The following TDP1 variants were observed in gnomAD, a reference collection of about 807,000 sequenced individuals.
TDP1 encodes tyr-DNA phosphodiesterase 1.
A neutral mutation model predicts 81.5 loss-of-function variants in TDP1; 64 were observed. That is an observed-to-expected ratio of 0.79 (90% confidence interval 0.64 to 0.97). The LOEUF (loss-of-function observed/expected upper bound fraction) is 0.97. TDP1 is among the 50% of genes least tolerant of loss of function. The pLI is 0.00. For missense variants in TDP1, 723 were observed against 743.8 expected (o/e 0.97, Z 0.33); for synonymous variants, 256 against 264.3 (o/e 0.97, Z 0.30).
intron 15 of TDP1, among the ~76,000 whole-genome samples, chr14:90,025,421 G>A (rs775535263): frequency 3.3e-5 from 5 of 152,014 alleles, no homozygotes; most frequent in Admixed American, 6.6e-5. Flanking sequence ...GAATAAATCT[G>A]GAAATACATC....
chr14:90,008,606 T>A (rs1048259907), intron 14 of TDP1, among the ~76,000 whole-genome samples: 4 of 152,266 alleles, frequency 2.6e-5, no homozygotes, highest in African/African-American at 4.8e-5. Flanking sequence ...TATAAAGGTA[T>A]TAAAACAACA....
rs35162235 is a variant in TDP1, at chr14:90,032,938, C to T, written c.1645-168C>T. 9.7e-3 allele frequency: 8,218 copies of T among 851,206 alleles called. 46 individuals carry two copies. The highest frequency in any genetic ancestry group is 0.011 in the Non-Finnish European group (7,614 of 708,814). The allele number at this position is 851,206 out of a possible 1,614,324, so 52.7% of individuals were successfully genotyped here. ...GTTTAGAAAGGAAAATAATTTGGGGCGGGGGGGTTGTAAATATATTTGCCT... is the reference window on the plus strand; with the variant it reads ...GTTTAGAAAGGAAAATAATTTGGGGTGGGGGGGTTGTAAATATATTTGCCT... On this transcript the variant is annotated intron_variant, in intron 15 of 16. Coordinates refer to ENST00000335725, the MANE Select transcript of TDP1 (RefSeq NM_018319.4).
At chr14:89,988,736 A>C (rs1895845226) in intron 10 of TDP1, 169 bp from the exon 11 acceptor site, 2 of 983,590 alleles carry the variant, frequency 2.0e-6, no homozygotes, top group Non-Finnish European at 2.4e-6. Flanking sequence ...ATTTAAAAAA[A>C]ATTTCCCAAA....
chr14:90,042,950 T>C, intron 16 of TDP1, 120 bp from the exon 17 acceptor site: 1 of 1,564,074 alleles, frequency 6.4e-7, no homozygotes, highest in Middle Eastern at 1.7e-4. Context: ...TGGGCTTGGT[T>C]CAGAAAATAC....
chr14:89,993,384 C>G lies in TDP1; in HGVS notation c.1442C>G (p.Ser481Ter). 1 of 1,612,988 alleles carries G rather than the reference C, an allele frequency of 6.2e-7. No homozygotes were observed. The highest frequency in any genetic ancestry group is 8.5e-7 in the Non-Finnish European group (1 of 1,179,140). Residue 481 changes from serine to a stop codon, truncating the protein, a stop_gained, in exon 14 of 17, where the codon TCA becomes TGA. Transcript: ENST00000335725. LOFTEE classifies it high-confidence loss of function. ...NWLHSYFHKWSAETSGRSNAM... is the reference protein window; with the variant it reads ...NWLHSYFHKW The stretch of plus-strand genomic sequence containing the variant: ...GTCTTTTCTGTCACTAGCAAATGGT[C>G]AGCTGAGACTTCTGGCCGCAGCAAT...
At chr14:90,020,088 G>A (rs1272645930) in intron 15 of TDP1, among the ~76,000 whole-genome samples, 1 of 152,172 alleles carries the variant, frequency 6.6e-6, no homozygotes, top group Non-Finnish European at 1.5e-5. Context: ...GGAGCCACTT[G>A]AGATTTCTGT....
intron 16 of TDP1, among the ~76,000 whole-genome samples, chr14:90,041,715 T>TA (rs1409568498): frequency 1.3e-5 from 2 of 152,234 alleles, no homozygotes; most frequent in African/African-American, 4.8e-5. Flanking sequence ...CTCTAACACT[T>TA]ACCAAGACAA....
At chr14:90,009,924 A>G (rs150124042) in intron 14 of TDP1, among the ~76,000 whole-genome samples, 76 of 152,356 alleles carry the variant, frequency 5.0e-4, no homozygotes, top group African/African-American at 1.8e-3. Context: ...TGCTAAAGCA[A>G]TTGGATATTG....
intron 8 of TDP1, chr14:89,981,355 C>G: frequency 2.5e-6 from 1 of 399,242 alleles, no homozygotes; most frequent in Admixed American, 2.9e-5. Context: ...AGGTTTTGAT[C>G]CCCTTTTCAA....
chr14:90,004,133 A>G (rs1897428427), intron 14 of TDP1, among the ~76,000 whole-genome samples: 1 of 152,174 alleles, frequency 6.6e-6, no homozygotes, highest in South Asian at 2.1e-4. Flanking sequence ...ACTCAAGGTC[A>G]TATTACTACC....
intron 15 of TDP1, among the ~76,000 whole-genome samples, chr14:90,026,802 T>C (rs1195329559): frequency 6.6e-6 from 1 of 152,256 alleles, no homozygotes; most frequent in Non-Finnish European, 1.5e-5. Context: ...TCCTTTTTTA[T>C]GGCTGCATAG....
chr14:89,964,141 G>T (rs1892662956), intron 3 of TDP1, among the ~76,000 whole-genome samples: 1 of 152,194 alleles, frequency 6.6e-6, no homozygotes, highest in Non-Finnish European at 1.5e-5. Flanking sequence ...CCCTTGAGGG[G>T]ATTCTACTGC....
intron 5 of TDP1, among the ~76,000 whole-genome samples, chr14:89,968,541 T>C (rs1360391182): frequency 2.0e-5 from 3 of 152,258 alleles, no homozygotes; most frequent in Admixed American, 2.0e-4. Context: ...ATCTATTTCA[T>C]TGAGCAGAGC....
chr14:89,989,226 G>C, intron 11 of TDP1, 136 bp downstream of exon 11: 3 of 1,399,052 alleles, frequency 2.1e-6, no homozygotes, highest in Non-Finnish European at 2.9e-6. Context: ...CGGGGGCGGG[G>C]TGCGGAAAGA....
At chr14:89,984,406 G>A (rs1055050094) in intron 8 of TDP1, 110 bp from the exon 9 acceptor site, 2 of 1,599,516 alleles carry the variant, frequency 1.3e-6, no homozygotes, top group East Asian at 2.2e-5. Flanking sequence ...TACTTACCAT[G>A]TGGAGATACC....
chr14:89,982,805 C>G (rs1319579485), intron 8 of TDP1, among the ~76,000 whole-genome samples: 2 of 152,158 alleles, frequency 1.3e-5, no homozygotes, highest in African/African-American at 4.8e-5. Flanking sequence ...CTATATTCTA[C>G]TCTCTAATGT....
chr14:90,026,766 A>G (rs946121023), intron 15 of TDP1, among the ~76,000 whole-genome samples: 5 of 152,164 alleles, frequency 3.3e-5, no homozygotes, highest in African/African-American at 7.2e-5. Flanking sequence ...AGCTTCATCC[A>G]TGTCCCTACA....
chr14:89,961,108 G>T (rs1370398969), intron 2 of TDP1, among the ~76,000 whole-genome samples: 1 of 152,174 alleles, frequency 6.6e-6, no homozygotes, highest in Non-Finnish European at 1.5e-5. Flanking sequence ...TTCACCAAGG[G>T]GGGACACGTG....
intron 14 of TDP1, among the ~76,000 whole-genome samples, chr14:90,006,780 C>T (rs1462107988): frequency 6.6e-6 from 1 of 152,140 alleles, no homozygotes; most frequent in Non-Finnish European, 1.5e-5. Context: ...CTCAGGTGAT[C>T]CGCCCACCTC....
Sources: gnomAD v4.1 joint callset for allele counts (sites outside exome capture counted in the v4.1 genomes callset) on GRCh38, gnomAD v4.1.1 for gene constraint, MANE v1.5 for transcripts, NCBI Gene and HGNC (gene_info 2026-07-23, HGNC 2026-07-21) for gene names.